IFT88: variants seen among roughly 807,000 people sequenced by gnomAD.
IFT88 encodes intraflagellar transport protein 88 homolog.
IFT88 carries 74 observed loss-of-function variants against 119.5 expected under a neutral mutation model. The observed-to-expected ratio is 0.62, with a 90% confidence interval of 0.51 to 0.75. The LOEUF (loss-of-function observed/expected upper bound fraction) is 0.75. Among genes scored for constraint, IFT88 ranks in the 30% least tolerant of loss-of-function variants. The pLI, the probability that IFT88 is intolerant of heterozygous loss-of-function variation, is 0.00. For synonymous variants in IFT88, 279 were observed against 316.7 expected, an observed-to-expected ratio of 0.88 and a Z score of 1.26; for missense variants, 961 against 977.7, an observed-to-expected ratio of 0.98 and a Z score of 0.23.
intron 1 of IFT88, among the ~76,000 whole-genome samples, chr13:20,573,913 A>G (rs370803979): frequency 6.6e-6 from 1 of 152,238 alleles, no homozygotes; most frequent in East Asian, 1.9e-4. Flanking sequence ...TGAGGACAAT[A>G]ACTTAATGTT....
intron 2 of IFT88, among the ~76,000 whole-genome samples, chr13:20,577,741 T>G (rs934080662): frequency 6.6e-6 from 1 of 152,180 alleles, no homozygotes; most frequent in African/African-American, 2.4e-5. Context: ...TAATGTATTG[T>G]TGGATTTGGT....
chr13:20,619,495 C>G (rs1002078493), intron 14 of IFT88, among the ~76,000 whole-genome samples: 5 of 152,120 alleles, frequency 3.3e-5, no homozygotes, highest in African/African-American at 1.2e-4. Context: ...TATTCTTTTG[C>G]ATATGACTTC....
At chr13:20,621,480 A>G (rs1389341981) in intron 14 of IFT88, among the ~76,000 whole-genome samples, 1 of 148,744 alleles carries the variant, frequency 6.7e-6, no homozygotes, top group African/African-American at 2.5e-5. Flanking sequence ...TCATTTCCAC[A>G]TATATTTTAA....
intron 20 of IFT88, among the ~76,000 whole-genome samples, chr13:20,652,290 T>C (rs758325481): frequency 2.0e-5 from 3 of 152,158 alleles, no homozygotes; most frequent in Non-Finnish European, 4.4e-5. Context: ...GTCCTTTAAG[T>C]AGGTAAATTG....
chr13:20,637,400 C>G (rs2049182731), intron 16 of IFT88, among the ~76,000 whole-genome samples: 1 of 152,110 alleles, frequency 6.6e-6, no homozygotes, highest in African/African-American at 2.4e-5. Flanking sequence ...GGTGAAGGTG[C>G]AGAAGGGGAG....
At chr13:20,667,367 A>G (rs2054884145) in intron 23 of IFT88, among the ~76,000 whole-genome samples, 1 of 152,088 alleles carries the variant, frequency 6.6e-6, no homozygotes, top group African/African-American at 2.4e-5. Context: ...TGCCTGTGCT[A>G]GATCTGAGGT....
chr13:20,647,957 G>A (rs2050995682), intron 20 of IFT88, among the ~76,000 whole-genome samples: 1 of 152,150 alleles, frequency 6.6e-6, no homozygotes, highest in Non-Finnish European at 1.5e-5. Flanking sequence ...GAGAAAAGTG[G>A]CTTATCACAT....
At chr13:20,596,387 G>GTA (rs557598572) in intron 8 of IFT88, 147 bp downstream of exon 8, 96 of 346,654 alleles carry the variant, frequency 2.8e-4, no homozygotes, top group African/African-American at 1.8e-3. Flanking sequence ...ACCAGGAATT[G>GTA]TAACTCAGTT....
chr13:20,595,710 C>G (rs941559907), intron 7 of IFT88, among the ~76,000 whole-genome samples: 27 of 152,166 alleles, frequency 1.8e-4, no homozygotes, highest in Non-Finnish European at 2.1e-4. Context: ...TTATCTATAA[C>G]TATTCTTGAA....
chr13:20,601,956 T>C, intron 12 of IFT88, 23 bp downstream of exon 12: 2 of 1,281,138 alleles, frequency 1.6e-6, no homozygotes, highest in Non-Finnish European at 2.3e-6. Flanking sequence ...AAGACATTTC[T>C]GTAGCCACTT....
chr13:20,580,210 A>G (rs1447944124), intron 2 of IFT88, among the ~76,000 whole-genome samples: 2 of 152,190 alleles, frequency 1.3e-5, no homozygotes, highest in Non-Finnish European at 2.9e-5. Context: ...TATTGAAAAT[A>G]TATAGGTGAT....
chr13:20,604,625 T>C (rs377156222), intron 12 of IFT88, among the ~76,000 whole-genome samples: 1 of 152,194 alleles, frequency 6.6e-6, no homozygotes. Flanking sequence ...TTACTCTCCC[T>C]TTTTTAAAAC....
At chr13:20,643,390 T>A in intron 18 of IFT88, 65 bp from the exon 19 acceptor site, 1 of 1,276,434 alleles carries the variant, frequency 7.8e-7, no homozygotes, top group African/African-American at 1.5e-5. Flanking sequence ...CTGTAATGTT[T>A]TTTAAGTTTG....
At chr13:20,654,070 T>G (rs746345718) in intron 21 of IFT88, 142 bp downstream of exon 21, 31 of 431,404 alleles carry the variant, frequency 7.2e-5, no homozygotes, top group African/African-American at 1.2e-4. Flanking sequence ...AAGCATTGTA[T>G]GAAAAACACA....
intron 22 of IFT88, among the ~76,000 whole-genome samples, chr13:20,662,653 T>C (rs1376084038): frequency 6.6e-6 from 1 of 152,256 alleles, no homozygotes; most frequent in Non-Finnish European, 1.5e-5. Context: ...GAAAATATTA[T>C]TTTTAAATGA....
chr13:20,689,341 G>A (rs945289504), intron 24 of IFT88, among the ~76,000 whole-genome samples: 2 of 152,236 alleles, frequency 1.3e-5, no homozygotes, highest in African/African-American at 4.8e-5. Flanking sequence ...GGAGCTATCA[G>A]GGTTTTGTTG....
rs7332243 is a variant in IFT88 at position 20,580,728 on chromosome 13, T to C, written c.91-2229T>C. Among the ~76,000 whole-genome samples the C allele has an allele frequency of 3.5e-4, 45 of 127,578 alleles. 1 individual carries two copies. The highest frequency in any genetic ancestry group is 6.1e-4 in the African/African-American group (18 of 29,474). The allele number at this position is 127,578 out of a possible 152,430, so 83.7% of individuals were successfully genotyped here. A position where few individuals can be genotyped will look rare whatever the true frequency, so the allele number is the denominator to read the frequency against. On this transcript the variant is annotated intron_variant, in intron 2 of 25. Transcript: ENST00000351808. Reference sequence around the variant, plus strand: ...ATCATGAAGATTTTCTTTTTTCTTTTTTTTTTTTTTTTTTTGAGATGGAGT... The same window carrying C: ...ATCATGAAGATTTTCTTTTTTCTTTCTTTTTTTTTTTTTTTGAGATGGAGT...
chr13:20,593,851 A>C (rs2041166723), intron 7 of IFT88, among the ~76,000 whole-genome samples: 1 of 151,888 alleles, frequency 6.6e-6, no homozygotes, highest in African/African-American at 2.4e-5. Context: ...GGAGTTCAAG[A>C]CTAGCCTGGG....
chr13:20,652,899 A>G (rs2052021156), intron 20 of IFT88, among the ~76,000 whole-genome samples: 2 of 152,208 alleles, frequency 1.3e-5, no homozygotes, highest in Admixed American at 6.5e-5. Flanking sequence ...CCAGAAGTCT[A>G]GCAAATGCAG....
Sources: gnomAD v4.1 joint callset for allele counts (sites outside exome capture counted in the v4.1 genomes callset) on GRCh38, gnomAD v4.1.1 for gene constraint, MANE v1.5 for transcripts, NCBI Gene and HGNC (gene_info 2026-07-23, HGNC 2026-07-21) for gene names.